TJP1: variants seen among roughly 807,000 people sequenced by gnomAD.
TJP1 encodes the protein tight junction protein ZO-1.
Under a neutral mutation model 194.2 loss-of-function variants are expected in TJP1, and 43 were observed. The observed-to-expected ratio is 0.22, with a 90% CI of 0.17 to 0.29. TJP1 has a LOEUF of 0.29. TJP1 is among the 10% of genes least tolerant of loss of function. The pLI, the probability that TJP1 is intolerant of heterozygous loss-of-function variation, is 1.00. For missense variants in TJP1, 1,971 were observed against 2,185.7 expected, an observed-to-expected ratio of 0.90 and a Z score of 1.96; for synonymous variants, 801 against 779.0, an observed-to-expected ratio of 1.03 and a Z score of -0.47.
At chr15:29,968,090 TCCTCATTA>T in intron 1 of TJP1, 1 of 985,468 alleles carries the variant, frequency 1.0e-6, no homozygotes, top group African/African-American at 1.7e-5. Flanking sequence ...GGATGTTTTT[TCCTCATTA>T]CCTCAGTAAC....
At chr15:29,740,444 G>A (rs1034368054) in intron 10 of TJP1, among the ~76,000 whole-genome samples, 2 of 151,766 alleles carry the variant, frequency 1.3e-5, no homozygotes, top group East Asian at 1.9e-4. Flanking sequence ...TGGGCAATGC[G>A]GCGAAACAAA....
chr15:29,807,456 G>A (rs980767458), intron 1 of TJP1, among the ~76,000 whole-genome samples: 1 of 152,276 alleles, frequency 6.6e-6, no homozygotes, highest in African/African-American at 2.4e-5. Flanking sequence ...AAAGGTTGAA[G>A]ATAGATACAA....
intron 1 of TJP1, chr15:29,968,580 C>A: frequency 1.1e-6 from 1 of 881,034 alleles, no homozygotes; most frequent in South Asian, 5.0e-5. Context: ...CCCGACCGCC[C>A]CGGCCGCCGC....
chr15:29,708,423 T>C (rs770372975), intron 25 of TJP1, 136 bp downstream of exon 25: 8 of 734,538 alleles, frequency 1.1e-5, no homozygotes, highest in Admixed American at 4.8e-5. Flanking sequence ...TGTAACAGCA[T>C]TCATTGCAAC....
intron 2 of TJP1, among the ~76,000 whole-genome samples, chr15:29,941,616 T>C (rs370781573): frequency 2.0e-5 from 3 of 152,000 alleles, no homozygotes; most frequent in Admixed American, 1.3e-4. Context: ...CCCAACAAAG[T>C]CATATGAGTC....
intron 2 of TJP1, among the ~76,000 whole-genome samples, chr15:29,838,099 A>G (rs775090595): frequency 3.9e-5 from 6 of 152,208 alleles, no homozygotes; most frequent in Non-Finnish European, 7.3e-5. Context: ...CCACTGTTCT[A>G]TAAAACCTTT....
Position 29,791,410 on chromosome 15 carries a change from ATTCT to A in TJP1, c.84+9232_84+9235del, listed in dbSNP as rs2048076083. 7.2e-5 allele frequency among the ~76,000 whole-genome samples: 8 copies of A among 111,066 alleles called. No individual in the cohort carries two copies. In the South Asian group the frequency reaches 1.1e-3, roughly 15 times the overall value. 72.9% of individuals were successfully genotyped at this position (111,066 alleles called of 152,430 possible). ...TCAGTTTTTGAGGAGCCTCCATAAT[ATTCT>A]TTTTTTTTTTTTTTTTTTTTTTTTG... On this transcript the variant is annotated intron_variant, in intron 2 of 27. Transcript: ENST00000614355.
In TJP1 at chr15:29,945,776, A is replaced by AACACAC. The variant is rs371167321; in HGVS notation, c.306+10450_306+10455dup. On this transcript the variant is annotated intron_variant, in intron 2 of 28. Transcript: ENST00000356107. ...TACCAGTGAGAACTTAAGGCTATTA[A>AACACAC]ACACACACACACACACACACACACG... is the stretch of plus-strand genomic sequence containing the variant. 9.0e-4 allele frequency among the ~76,000 whole-genome samples: 135 copies of AACACAC among 150,132 alleles called. 1 individual carries two copies. Among genetic ancestry groups the AACACAC allele is most frequent in the African/African-American group, 3.2e-3 (130 of 40,976 alleles).
At position 29,718,074 on chromosome 15, in the gene TJP1, A is replaced by T; in HGVS notation, c.3921T>A (p.Gly1307=). 6.2e-7 allele frequency: 1 copy of T among 1,612,972 alleles called. No homozygotes were observed. The highest frequency in any genetic ancestry group is 8.5e-7 in the Non-Finnish European group (1 of 1,179,898). ...ASKPSGAPII[G]PKPTSQNQFS... ...ATTGATTCTGAGAAGTGGGTTTGGG[A>T]CCAATGATGGGAGCACCTGAAGGTT... Residue 1307 remains glycine, a synonymous_variant, in exon 22 of 28, where the codon GGT becomes GGA. Coordinates refer to ENST00000614355, the MANE Select transcript of TJP1 (RefSeq NM_001330239.4).
intron 27 of TJP1, among the ~76,000 whole-genome samples, chr15:29,703,020 T>A (rs949512017): frequency 6.6e-6 from 1 of 152,228 alleles, no homozygotes; most frequent in African/African-American, 2.4e-5. Flanking sequence ...GCTTTGAAAT[T>A]ATCTCAGGAG....
intron 2 of TJP1, among the ~76,000 whole-genome samples, chr15:29,921,783 T>G (rs2054367421): frequency 6.6e-6 from 1 of 152,188 alleles, no homozygotes; most frequent in Non-Finnish European, 1.5e-5. Flanking sequence ...ATACCCATTC[T>G]CAACAGTAAC....
upstream of TJP1, chr15:29,822,589 C>A (rs1031940638): frequency 1.6e-5 from 10 of 641,666 alleles, no homozygotes; most frequent in Non-Finnish European, 1.9e-5. Flanking sequence ...GCGGGACGAG[C>A]GGCCGGGGTC....
chr15:29,953,358 T>C (rs2055826239), intron 2 of TJP1, among the ~76,000 whole-genome samples: 1 of 152,024 alleles, frequency 6.6e-6, no homozygotes, highest in Non-Finnish European at 1.5e-5. Context: ...GCCAGGCTGG[T>C]CTCAAACTCC....
chr15:29,755,961 T>G (rs920443274), intron 8 of TJP1, among the ~76,000 whole-genome samples: 2 of 152,084 alleles, frequency 1.3e-5, no homozygotes, highest in African/African-American at 4.8e-5. Context: ...ATAAAAAAGG[T>G]AAACACCTGT....
chr15:29,790,413 T>TA (rs1270131614), intron 2 of TJP1, among the ~76,000 whole-genome samples: 2 of 148,136 alleles, frequency 1.4e-5, no homozygotes, highest in Non-Finnish European at 3.0e-5. Flanking sequence ...TTAATTATTA[T>TA]AGTAAACAGT....
intron 2 of TJP1, among the ~76,000 whole-genome samples, chr15:29,944,737 T>C (rs1403271806): frequency 6.6e-6 from 1 of 152,230 alleles, no homozygotes; most frequent in Non-Finnish European, 1.5e-5. Context: ...TTACCAATTA[T>C]AGCTTCTGTC....
intron 2 of TJP1, among the ~76,000 whole-genome samples, chr15:29,840,628 C>T (rs945467050): frequency 2.0e-5 from 3 of 152,156 alleles, no homozygotes; most frequent in Admixed American, 6.5e-5. Flanking sequence ...CCCCAGGACA[C>T]GCCTCCTGAG....
At chr15:29,873,562 G>A (rs1418036702) in intron 2 of TJP1, among the ~76,000 whole-genome samples, 3 of 152,172 alleles carry the variant, frequency 2.0e-5, no homozygotes, top group Non-Finnish European at 4.4e-5. Context: ...AATATGGAGA[G>A]CTATTCTTTT....
chr15:29,957,136 CA>C (rs2055977469), intron 1 of TJP1, among the ~76,000 whole-genome samples: 1 of 152,062 alleles, frequency 6.6e-6, no homozygotes. Flanking sequence ...CATGATAGCA[CA>C]CACTTAATTC....
Sources: allele counts gnomAD v4.1 joint callset (sites outside exome capture counted in the v4.1 genomes callset), GRCh38; gene constraint gnomAD v4.1.1; transcripts MANE v1.5; gene names NCBI Gene and HGNC (gene_info 2026-07-23, HGNC 2026-07-21).